The following TEX26 variants were observed in gnomAD, a reference collection of about 807,000 sequenced individuals.
TEX26 encodes the protein testis expressed 26, also known as testis-expressed protein 26.
A neutral mutation model predicts 35.3 loss-of-function variants in TEX26; 34 were observed. The observed-to-expected ratio is 0.96, with a 90% CI of 0.73 to 1.28. The LOEUF (loss-of-function observed/expected upper bound fraction) is 1.28. TEX26 is among the 50% of genes most tolerant of loss of function. The pLI is 0.00. For synonymous variants in TEX26, 136 were observed against 111.8 expected (o/e 1.22, Z -1.36); for missense variants, 371 against 330.1 (o/e 1.12, Z -0.96).
At chr13:30,957,356 C>G (rs904452453) in intron 4 of TEX26, among the ~76,000 whole-genome samples, 2 of 152,036 alleles carry the variant, frequency 1.3e-5, no homozygotes, top group African/African-American at 4.8e-5. Flanking sequence ...CCTGCAGGAA[C>G]ATTTCAGGAA....
intron 6 of TEX26, among the ~76,000 whole-genome samples, chr13:30,972,512 C>A (rs1199626041): frequency 1.3e-5 from 2 of 152,206 alleles, no homozygotes; most frequent in African/African-American, 4.8e-5. Context: ...GCTTAAAATG[C>A]TTAAAATCAG....
chr13:30,957,744 G>T (rs917065047), intron 4 of TEX26, among the ~76,000 whole-genome samples: 54 of 152,208 alleles, frequency 3.5e-4, no homozygotes, highest in African/African-American at 1.3e-3. Flanking sequence ...CCCTTCCAGG[G>T]TAGGGGCTGT....
chr13:30,946,145 T>C (rs1057386440), intron 2 of TEX26, among the ~76,000 whole-genome samples: 3 of 151,920 alleles, frequency 2.0e-5, no homozygotes, highest in Non-Finnish European at 4.4e-5. Context: ...ACTTTACTCA[T>C]TTCTTTTTAT....
chr13:30,959,028 A>G (rs4942071), intron 4 of TEX26, among the ~76,000 whole-genome samples: 124,262 of 152,094 alleles, frequency 0.82, 51,349 homozygotes, highest in East Asian at 0.97. Flanking sequence ...TGCCCAGCTC[A>G]GGACTGGTGG....
chr13:30,951,748 A>C (rs759523364), intron 2 of TEX26, among the ~76,000 whole-genome samples: 38 of 152,174 alleles, frequency 2.5e-4, no homozygotes, highest in Admixed American at 1.2e-3. Flanking sequence ...AATATGTAAC[A>C]ATTATATTAT....
chr13:30,946,804 T>A (rs1353932875), intron 2 of TEX26, among the ~76,000 whole-genome samples: 1 of 152,046 alleles, frequency 6.6e-6, no homozygotes, highest in African/African-American at 2.4e-5. Context: ...TTCCTCCCCA[T>A]CCTGCATATT....
intron 5 of TEX26, among the ~76,000 whole-genome samples, chr13:30,966,632 T>C (rs927885669): frequency 6.6e-6 from 1 of 152,022 alleles, no homozygotes; most frequent in African/African-American, 2.4e-5. Context: ...AGAGATGGGA[T>C]TTTGCCATGT....
intron 5 of TEX26, 34 bp downstream of exon 5, chr13:30,966,432 CTTTTT>C (rs10523710): frequency 0.042 from 41,362 of 983,930 alleles, 57 homozygotes; most frequent in Admixed American, 0.054. Flanking sequence ...TTCTTTTTCT[CTTTTT>C]TTTTTTTTTT....
rs1334626307 is a variant in TEX26 at position 30,970,158 on chromosome 13, GGT to G, written c.808+1120_808+1121del. ...ACTGTAGTCAAGGCTGACAGGGAAG[GGT>G]GTGTGTGAGTGTGTGTGTGTGTGTG... is the stretch of plus-strand genomic sequence containing the variant. On this transcript the variant is annotated intron_variant, in intron 6 of 6. Transcript: ENST00000380473. 1.4e-4 allele frequency among the ~76,000 whole-genome samples: 17 copies of G among 124,062 alleles called. No homozygotes were observed. The East Asian group carries it at 4.1e-3, about 30-fold the overall frequency. The allele number at this position is 124,062 out of a possible 152,430, so 81.4% of individuals were successfully genotyped here. A position where few individuals can be genotyped will look rare whatever the true frequency, so the allele number is the denominator to read the frequency against.
intron 1 of TEX26, among the ~76,000 whole-genome samples, chr13:30,935,416 C>G (rs1287281411): frequency 6.6e-6 from 1 of 152,242 alleles, no homozygotes; most frequent in African/African-American, 2.4e-5. Flanking sequence ...AATCAGCATG[C>G]ACTTCCTTCC....
At chr13:30,973,651 C>T (rs1213326429) in intron 6 of TEX26, among the ~76,000 whole-genome samples, 4 of 152,182 alleles carry the variant, frequency 2.6e-5, no homozygotes, top group South Asian at 2.1e-4. Flanking sequence ...AACACACACA[C>T]TCATGCACAC....
intron 4 of TEX26, among the ~76,000 whole-genome samples, chr13:30,958,270 A>C (rs1316448855): frequency 6.6e-6 from 1 of 152,234 alleles, no homozygotes; most frequent in Non-Finnish European, 1.5e-5. Flanking sequence ...ATATTTGGTG[A>C]TTCAATGCAA....
At chr13:30,948,816 A>C (rs1180286406) in intron 2 of TEX26, among the ~76,000 whole-genome samples, 2 of 152,174 alleles carry the variant, frequency 1.3e-5, no homozygotes, top group Non-Finnish European at 2.9e-5. Flanking sequence ...GTCCTTGGCC[A>C]TGTCTATGTC....
intron 6 of TEX26, among the ~76,000 whole-genome samples, chr13:30,971,872 G>C (rs1159014746): frequency 6.6e-6 from 1 of 152,152 alleles, no homozygotes; most frequent in South Asian, 2.1e-4. Context: ...CTGTGAATTT[G>C]TTCAGCTATG....
At chr13:30,940,380 C>T (rs1039049145) in intron 2 of TEX26, among the ~76,000 whole-genome samples, 3 of 123,986 alleles carry the variant, frequency 2.4e-5, no homozygotes, top group Non-Finnish European at 3.1e-5. Flanking sequence ...GTCGCCCAGG[C>T]TGGAGTGCAG....
chr13:30,936,603 CA>C, intron 1 of TEX26: 1 of 841,016 alleles, frequency 1.2e-6, no homozygotes, highest in Non-Finnish European at 1.4e-6. Context: ...AGGACATCAG[CA>C]CCACATTAAA....
At chr13:30,951,429 AT>A (rs1953917801) in intron 2 of TEX26, among the ~76,000 whole-genome samples, 1 of 152,040 alleles carries the variant, frequency 6.6e-6, no homozygotes, top group Non-Finnish European at 1.5e-5. Flanking sequence ...CTGAATGGCA[AT>A]AGAATGATCA....
At chr13:30,942,775 C>G (rs1953560995) in intron 2 of TEX26, among the ~76,000 whole-genome samples, 1 of 152,016 alleles carries the variant, frequency 6.6e-6, no homozygotes, top group Admixed American at 6.6e-5. Context: ...TATGCTTTGT[C>G]AAAGATCACT....
intron 3 of TEX26, among the ~76,000 whole-genome samples, chr13:30,954,236 G>A (rs1954037550): frequency 6.8e-6 from 1 of 146,330 alleles, no homozygotes; most frequent in Non-Finnish European, 1.5e-5. Context: ...TCATTGTAAT[G>A]TATTCAACCC....
Sources: gnomAD v4.1 joint callset for allele counts (sites outside exome capture counted in the v4.1 genomes callset) on GRCh38, gnomAD v4.1.1 for gene constraint, MANE v1.5 for transcripts, NCBI Gene and HGNC (gene_info 2026-07-23, HGNC 2026-07-21) for gene names.